EHBP1: variants seen among roughly 807,000 people sequenced by gnomAD.
EHBP1 encodes EH domain-binding protein 1.
In EHBP1, 55 loss-of-function variants were observed where a neutral mutation model predicts 144.0. The observed-to-expected ratio is 0.38, with a 90% confidence interval of 0.31 to 0.48. The LOEUF (loss-of-function observed/expected upper bound fraction) is 0.48. Ranked by LOEUF, EHBP1 falls within the 20% of genes least tolerant of loss-of-function variation. EHBP1 has a pLI of 0.98. For missense variants in EHBP1, 1,200 were observed against 1,364.2 expected (o/e 0.88, Z 1.90); for synonymous variants, 469 against 472.7 (o/e 0.99, Z 0.10).
intron 10 of EHBP1, among the ~76,000 whole-genome samples, chr2:62,931,592 G>T (rs991389259): frequency 6.6e-6 from 1 of 152,100 alleles, no homozygotes; most frequent in Admixed American, 6.6e-5. Context: ...AGTTTCAGTT[G>T]CCCATAGTCA....
At chr2:62,974,221 G>C (rs1354513149) in intron 14 of EHBP1, among the ~76,000 whole-genome samples, 1 of 151,986 alleles carries the variant, frequency 6.6e-6, no homozygotes, top group Non-Finnish European at 1.5e-5. Context: ...CCATCACATT[G>C]CTTTGCTTTT....
intron 5 of EHBP1, among the ~76,000 whole-genome samples, chr2:62,815,562 A>T (rs911399107): frequency 6.6e-6 from 1 of 152,236 alleles, no homozygotes; most frequent in African/African-American, 2.4e-5. Context: ...TGAGCTTTAA[A>T]CTAAAGTAGC....
At chr2:62,921,539 T>G (rs1379230504) in intron 10 of EHBP1, among the ~76,000 whole-genome samples, 1 of 151,146 alleles carries the variant, frequency 6.6e-6, no homozygotes, top group Non-Finnish European at 1.5e-5. Flanking sequence ...ATTTTAAAAT[T>G]TCACTCTGGA....
At position 63,045,563 on chromosome 2, in the gene EHBP1, T is replaced by C. The variant is rs1322723545; in HGVS notation, c.*63T>C. On this transcript the variant is annotated 3_prime_UTR_variant, in exon 23 of 23. Coordinates refer to ENST00000431489, the MANE Select transcript of EHBP1 (RefSeq NM_001142616.3). This position sits in a 1 kb window ranked among gnomAD's most constrained non-coding sequence, Gnocchi z 5.7. The stretch of plus-strand genomic sequence containing the variant: ...GTCTTGCTTCCCAAACCAGAAAAAG[T>C]CAGACTCATTGTTGATTTAAAACTT... 3.7e-6 allele frequency: 5 copies of C among 1,341,724 alleles called. No homozygotes were observed. The African/African-American group carries it at 5.8e-5, about 16-fold the overall frequency. The allele number at this position is 1,341,724 out of a possible 1,614,324, so 83.1% of individuals were successfully genotyped here.
chr2:62,744,611 T>C (rs573832856), intron 2 of EHBP1, among the ~76,000 whole-genome samples: 18 of 152,240 alleles, frequency 1.2e-4, no homozygotes, highest in Admixed American at 6.5e-4. Context: ...CAAAAATGTT[T>C]AGCCATCTTT....
chr2:63,031,855 G>A (rs1207414894), intron 19 of EHBP1, among the ~76,000 whole-genome samples: 1 of 152,110 alleles, frequency 6.6e-6, no homozygotes, highest in Non-Finnish European at 1.5e-5. Flanking sequence ...TTTGAACCCT[G>A]GAGGTGGAGG....
At position 62,975,887 on chromosome 2, in the gene EHBP1, T is replaced by TACACACAC. The variant is rs57375651; in HGVS notation, c.2461-3259_2461-3252dup. Reference sequence around the variant, plus strand: ...TCAGCCTGGATGGGTTTACTGTATGTACACACACACACACACACACACACA... The same window carrying TACACACAC: ...TCAGCCTGGATGGGTTTACTGTATGTACACACACACACACACACACACACACACACACA... On this transcript the variant is annotated intron_variant, in intron 14 of 22. Coordinates refer to ENST00000431489, the MANE Select transcript of EHBP1 (RefSeq NM_001142616.3). 6.0e-3 allele frequency among the ~76,000 whole-genome samples: 748 copies of TACACACAC among 123,736 alleles called. 2 individuals are homozygous for TACACACAC. Among genetic ancestry groups the TACACACAC allele is most frequent in the Middle Eastern group, 0.02 (5 of 252 alleles). 81.2% of individuals were successfully genotyped at this position (123,736 alleles called of 152,430 possible). A position where few individuals can be genotyped will look rare whatever the true frequency, so the allele number is the denominator to read the frequency against.
intron 10 of EHBP1, among the ~76,000 whole-genome samples, chr2:62,929,904 A>G (rs944556481): frequency 1.3e-5 from 2 of 152,216 alleles, no homozygotes; most frequent in South Asian, 2.1e-4. Context: ...GTATTTCTAT[A>G]TACCAACAAT....
intron 10 of EHBP1, among the ~76,000 whole-genome samples, chr2:62,876,812 C>A (rs2050922137): frequency 6.6e-6 from 1 of 152,100 alleles, no homozygotes; most frequent in Non-Finnish European, 1.5e-5. Flanking sequence ...GGAAACCTGC[C>A]CCATGATCCA....
intron 9 of EHBP1, among the ~76,000 whole-genome samples, chr2:62,872,561 C>A (rs2050576448): frequency 6.6e-6 from 1 of 152,054 alleles, no homozygotes; most frequent in African/African-American, 2.4e-5. Flanking sequence ...AGCCACTATT[C>A]CTGTTCATTT....
At chr2:63,015,905 T>C (rs2060467712) in intron 19 of EHBP1, among the ~76,000 whole-genome samples, 1 of 152,158 alleles carries the variant, frequency 6.6e-6, no homozygotes, top group African/African-American at 2.4e-5. Flanking sequence ...TCTACTCATA[T>C]AAAATATAAG....
At chr2:62,952,626 G>A (rs2057451225) in intron 13 of EHBP1, among the ~76,000 whole-genome samples, 1 of 152,116 alleles carries the variant, frequency 6.6e-6, no homozygotes, top group African/African-American at 2.4e-5. Context: ...AACTCATAAG[G>A]TAAGTAGTCA....
intron 1 of EHBP1, among the ~76,000 whole-genome samples, chr2:62,677,506 T>C (rs997090515): frequency 3.9e-5 from 6 of 152,164 alleles, no homozygotes; most frequent in Admixed American, 2.0e-4. Context: ...AATCCAATTA[T>C]ACTCTTCTAG....
intron 7 of EHBP1, among the ~76,000 whole-genome samples, chr2:62,854,765 G>A (rs1242401162): frequency 1.3e-5 from 2 of 152,162 alleles, no homozygotes; most frequent in Non-Finnish European, 2.9e-5. Context: ...GCAGCGGTGG[G>A]CCGTCTGGAG....
intron 21 of EHBP1, 51 bp downstream of exon 21, chr2:63,038,867 A>C (rs772919763): frequency 6.6e-7 from 1 of 1,526,324 alleles, no homozygotes; most frequent in South Asian, 1.1e-5. Context: ...GTTGTCAAAG[A>C]GATTTAAAGA....
At chr2:62,963,031 C>T (rs2058073087) in intron 14 of EHBP1, among the ~76,000 whole-genome samples, 1 of 152,154 alleles carries the variant, frequency 6.6e-6, no homozygotes, top group Non-Finnish European at 1.5e-5. Context: ...TTTGCAGTAT[C>T]CATCTTTAAA....
intron 13 of EHBP1, among the ~76,000 whole-genome samples, chr2:62,952,510 C>T (rs1219834857): frequency 1.3e-5 from 2 of 152,152 alleles, no homozygotes; most frequent in Admixed American, 6.5e-5. Flanking sequence ...AATTTAGTAA[C>T]TTTAATATGG....
chr2:62,967,969 T>A (rs946365878), intron 14 of EHBP1, among the ~76,000 whole-genome samples: 1 of 152,140 alleles, frequency 6.6e-6, no homozygotes, highest in Non-Finnish European at 1.5e-5. Context: ...AATAAGCTGT[T>A]TTGAGCACTC....
intron 7 of EHBP1, among the ~76,000 whole-genome samples, chr2:62,835,191 A>T (rs2047117013): frequency 6.6e-6 from 1 of 152,120 alleles, no homozygotes; most frequent in Non-Finnish European, 1.5e-5. Flanking sequence ...TCTTTTATAT[A>T]CAGCATTTGG....
Sources: allele counts gnomAD v4.1 joint callset (sites outside exome capture counted in the v4.1 genomes callset), GRCh38; gene constraint gnomAD v4.1.1; non-coding constraint Gnocchi (gnomAD v3.1); transcripts MANE v1.5; gene names NCBI Gene and HGNC (gene_info 2026-07-23, HGNC 2026-07-21).